The following VPS13C variants were observed in gnomAD, a reference collection of about 807,000 sequenced individuals.
The protein encoded by VPS13C is vacuolar protein sorting 13 homolog C.
VPS13C carries 358 observed loss-of-function variants against 456.8 expected under a neutral mutation model. The ratio of observed to expected loss-of-function variants is 0.78; its 90% CI spans 0.72 to 0.86. The LOEUF is 0.86. Ranked by LOEUF, VPS13C falls within the 40% of genes least tolerant of loss-of-function variation. The pLI is 0.00. For missense variants in VPS13C, 4,818 were observed against 4,385.4 expected (o/e 1.10, Z -2.79); for synonymous variants, 1,578 against 1,486.7 (o/e 1.06, Z -1.41).
At chr15:62,041,150 T>C (rs909791637) in intron 3 of VPS13C, among the ~76,000 whole-genome samples, 174 bp downstream of exon 3, 3 of 152,118 alleles carry the variant, frequency 2.0e-5, no homozygotes, top group Non-Finnish European at 2.9e-5. Context: ...AAAAAAGAAG[T>C]ATGTACGTTT....
rs768212644 is a variant in VPS13C at position 62,010,476 on chromosome 15, G to A, written c.1007C>T (p.Pro336Leu). ...IQNIAIELTK[P>L]QYLSMIDLLE... The stretch of plus-strand genomic sequence containing the variant: ...AAATATCCACATGAATCATACCTGA[G>A]GTTTGGTCAGTTCAATGGCAATATT... The change falls in exon 13 of 85, where the codon CCT (proline) becomes CTT (leucine). Residue 336 changes from proline (P) to leucine (L), a missense_variant. By Grantham distance (98) the Pro-to-Leu change is moderately conservative. Around this residue, in one of 3 missense-constraint regions of VPS13C, gnomAD observed 4,552 missense variants for 4,130.6 expected, o/e 1.10. Transcript: ENST00000644861. 1 of 1,606,480 alleles carries A rather than the reference G, an allele frequency of 6.2e-7. No individual in the cohort carries two copies. The highest frequency in any genetic ancestry group is 2.2e-5 in the East Asian group (1 of 44,466).
intron 9 of VPS13C, among the ~76,000 whole-genome samples, chr15:62,015,754 T>C (rs2047216000): frequency 9.1e-6 from 1 of 109,900 alleles, no homozygotes; most frequent in African/African-American, 3.6e-5. Context: ...GGAAGGGGAA[T>C]ATCACACTCT....
At chr15:62,033,387 T>G in intron 5 of VPS13C, 54 bp downstream of exon 5, 2 of 1,198,026 alleles carry the variant, frequency 1.7e-6, no homozygotes, top group Non-Finnish European at 2.3e-6. Context: ...TAAAGGATAT[T>G]AATTATATCT....
At chr15:61,926,022 T>C (rs534002945) in intron 52 of VPS13C, among the ~76,000 whole-genome samples, 1 of 152,284 alleles carries the variant, frequency 6.6e-6, no homozygotes, top group South Asian at 2.1e-4. Context: ...CCTATATTCT[T>C]ATATATCATT....
At chr15:61,983,793 A>G (rs376468955) in intron 20 of VPS13C, 27 bp downstream of exon 20, 9 of 1,603,672 alleles carry the variant, frequency 5.6e-6, no homozygotes, top group Middle Eastern at 1.7e-4. Flanking sequence ...TGATTTAAAT[A>G]AAGAGTTACT....
intron 67 of VPS13C, among the ~76,000 whole-genome samples, chr15:61,889,581 C>A (rs1896524339): frequency 6.6e-6 from 1 of 152,132 alleles, no homozygotes; most frequent in South Asian, 2.1e-4. Flanking sequence ...ACTACATACT[C>A]TAATATTTTT....
At position 61,877,058 on chromosome 15, in the gene VPS13C, G is replaced by T; in HGVS notation, c.10143-4C>A. 6.3e-7 allele frequency: 1 copy of T among 1,594,932 alleles called. No homozygotes were observed. Among genetic ancestry groups the T allele is most frequent in the Non-Finnish European group, 8.5e-7 (1 of 1,170,758 alleles). ...TCGAATTTCATAATAAGCAAGTCTG[G>T]GAGGAGAAAAAGGAAAGATTCAAAG... On this transcript the variant is annotated splice_region_variant and splice_polypyrimidine_tract_variant and intron_variant, in intron 74 of 84. Transcript: ENST00000644861.
intron 66 of VPS13C, among the ~76,000 whole-genome samples, chr15:61,904,984 G>A (rs748240231): frequency 6.6e-6 from 1 of 152,028 alleles, no homozygotes; most frequent in Admixed American, 6.6e-5. Flanking sequence ...GGATGAGAAG[G>A]GGATTGGAGG....
chr15:61,864,609 T>G (rs1220229306), intron 81 of VPS13C: 1 of 983,500 alleles, frequency 1.0e-6, no homozygotes, highest in Non-Finnish European at 1.2e-6. Flanking sequence ...ATTTCAATGC[T>G]TAAATATACA....
chr15:61,866,511 A>G (rs1894602693), intron 81 of VPS13C: 2 of 985,092 alleles, frequency 2.0e-6, no homozygotes, highest in Admixed American at 6.1e-5. Flanking sequence ...AAAATTAAAA[A>G]TTGTTACTTT....
chr15:61,989,216 C>A (rs774003351), intron 18 of VPS13C, among the ~76,000 whole-genome samples: 1 of 151,040 alleles, frequency 6.6e-6, no homozygotes, highest in Non-Finnish European at 1.5e-5. Flanking sequence ...TGTGGCAAAA[C>A]CCTGTCTCTA....
chr15:61,940,248 CA>C (rs1375183520), intron 47 of VPS13C, among the ~76,000 whole-genome samples: 6 of 152,192 alleles, frequency 3.9e-5, no homozygotes, highest in African/African-American at 1.4e-4. Flanking sequence ...CATTGTCTTA[CA>C]ATTTAACTGC....
At position 61,867,153 on chromosome 15, in the gene VPS13C, C is replaced by A; in HGVS notation, c.10863+1506G>T. The A allele has an allele frequency of 1.0e-6, 1 of 983,664 alleles. No homozygotes were observed. The highest frequency in any genetic ancestry group is 1.2e-6 in the Non-Finnish European group (1 of 828,372). 60.9% of individuals were successfully genotyped at this position (983,664 alleles called of 1,614,324 possible). Reference sequence around the variant, plus strand: ...ATCTATGTATTCAAGTGCCACACAGCAATTTGCCTAATTACATGTTCAACT... The same window carrying A: ...ATCTATGTATTCAAGTGCCACACAGAAATTTGCCTAATTACATGTTCAACT... On this transcript the variant is annotated intron_variant, in intron 81 of 84. Transcript: ENST00000644861. This position sits in a 1 kb window ranked among gnomAD's most constrained non-coding sequence, Gnocchi z 5.0.
chr15:61,916,507 A>C (rs914289163), intron 60 of VPS13C, among the ~76,000 whole-genome samples: 6 of 152,222 alleles, frequency 3.9e-5, no homozygotes, highest in Admixed American at 3.9e-4. Flanking sequence ...TTGAAAAATG[A>C]ATAATAACAT....
intron 66 of VPS13C, 72 bp from the exon 67 acceptor site, chr15:61,890,472 C>T: frequency 1.5e-6 from 2 of 1,343,464 alleles, no homozygotes; most frequent in Non-Finnish European, 2.0e-6. Flanking sequence ...ACTATAATAA[C>T]AGAAAGATTA....
intron 18 of VPS13C, among the ~76,000 whole-genome samples, chr15:61,985,708 AT>A (rs886069051): frequency 6.6e-6 from 1 of 152,194 alleles, no homozygotes; most frequent in African/African-American, 2.4e-5. Flanking sequence ...CATCTGCTTG[AT>A]TTCTGTGCAG....
At chr15:61,864,529 A>G in intron 81 of VPS13C, 1 of 886,878 alleles carries the variant, frequency 1.1e-6, no homozygotes, top group Non-Finnish European at 1.4e-6. Context: ...GACCAAGAAT[A>G]TAATGCCAAT....
intron 3 of VPS13C, among the ~76,000 whole-genome samples, chr15:62,039,126 C>T (rs1438799470): frequency 6.6e-6 from 1 of 152,076 alleles, no homozygotes; most frequent in Non-Finnish European, 1.5e-5. Context: ...AAAAAGACAC[C>T]TGCACTCATA....
chr15:62,015,073 A>G (rs889403834), intron 9 of VPS13C, among the ~76,000 whole-genome samples: 4 of 152,138 alleles, frequency 2.6e-5, no homozygotes, highest in Non-Finnish European at 4.4e-5. Context: ...TAGGAGGTAT[A>G]TGACTATTTT....
Sources: gnomAD v4.1 joint callset for allele counts (sites outside exome capture counted in the v4.1 genomes callset) on GRCh38, gnomAD v4.1.1 for gene constraint, gnomAD v4.1.1 regional missense constraint, Gnocchi (gnomAD v3.1) non-coding constraint, MANE v1.5 for transcripts, NCBI Gene and HGNC (gene_info 2026-07-23, HGNC 2026-07-21) for gene names.